The following CACNB2 variants were observed in gnomAD, a reference collection of about 807,000 sequenced individuals.
The protein encoded by CACNB2 is voltage-dependent L-type calcium channel subunit beta-2.
CACNB2 carries 42 observed loss-of-function variants against 73.3 expected under a neutral mutation model. The ratio of observed to expected loss-of-function variants is 0.57; its 90% CI spans 0.45 to 0.74. The LOEUF (loss-of-function observed/expected upper bound fraction) is 0.74. Ranked by LOEUF, CACNB2 falls within the 30% of genes least tolerant of loss-of-function variation. The pLI is 0.00. For missense variants in CACNB2, 940 were observed against 853.0 expected (o/e 1.10, Z -1.27); for synonymous variants, 348 against 310.3 (o/e 1.12, Z -1.28).
chr10:18,340,611 GCAGGCGT>G (rs1029899401), intron 2 of CACNB2: 1 of 1,101,884 alleles, frequency 9.1e-7, no homozygotes, highest in Non-Finnish European at 1.2e-6. Context: ...TGACAAGTTT[GCAGGCGT>G]CTGTCTTCCA....
Position 18,220,228 on chromosome 10 carries a change from TATATAG to T in CACNB2, c.213+69255_213+69260del, listed in dbSNP as rs1160196325. ...ATATATATATATATATATATATATA[TATATAG>T]AGAGAGAGAGAGAGAGAGAGAGAGA... On this transcript the variant is annotated intron_variant, in intron 2 of 13. Transcript: ENST00000324631. 4.4e-3 allele frequency among the ~76,000 whole-genome samples: 181 copies of T among 40,918 alleles called. 1 individual carries two copies. Among genetic ancestry groups the T allele is most frequent in the African/African-American group, 8.6e-3 (40 of 4,666 alleles). The allele number at this position is 40,918 out of a possible 152,430, so 26.8% of individuals were successfully genotyped here. A position where few individuals can be genotyped will look rare whatever the true frequency, so the allele number is the denominator to read the frequency against.
At position 18,514,311 on chromosome 10, in the gene CACNB2, G is replaced by C; in HGVS notation, c.746G>C (p.Ser249Thr). ...IPANHRSPKP[S>T]ANSVTSPHSK... ...GCAAACCACCGCTCCCCTAAACCCA[G>C]TGCAAACAGTGTAACGTCACCCCAC... Residue 249 changes from serine (S) to threonine (T), a missense_variant, in exon 7 of 14, where the codon AGT becomes ACT. By Grantham distance (58) the Ser-to-Thr change is moderately conservative (BLOSUM62 1). Coordinates refer to ENST00000324631, the MANE Select transcript of CACNB2 (RefSeq NM_201596.3). 6.2e-7 allele frequency: 1 copy of C among 1,614,114 alleles called. No homozygotes were observed. Among genetic ancestry groups the C allele is most frequent in the Non-Finnish European group, 8.5e-7 (1 of 1,180,016 alleles).
At chr10:18,164,255 A>C (rs999491515) in intron 2 of CACNB2, among the ~76,000 whole-genome samples, 1 of 152,204 alleles carries the variant, frequency 6.6e-6, no homozygotes, top group Non-Finnish European at 1.5e-5. Flanking sequence ...CTGTGAACTT[A>C]TGTAAAGCCC....
intron 2 of CACNB2, among the ~76,000 whole-genome samples, chr10:18,158,497 A>C: frequency 6.6e-6 from 1 of 152,218 alleles, no homozygotes; most frequent in East Asian, 1.9e-4. Context: ...CAATTCCCGT[A>C]GAAACTCTTT....
rs2045649239 is a variant in CACNB2 at position 18,427,159 on chromosome 10, T to A, written c.333+25116T>A. Among the ~76,000 whole-genome samples, 4 of 152,096 alleles carry A rather than the reference T, an allele frequency of 2.6e-5. No individual in the cohort carries two copies. The South Asian group carries it at 8.3e-4, about 32-fold the overall frequency. ...TAGTAGACACAGTGTTTCTCCATGCTGGTCAGGCTGGTCTCGAACTCCCAA... is the reference window on the plus strand; with the variant it reads ...TAGTAGACACAGTGTTTCTCCATGCAGGTCAGGCTGGTCTCGAACTCCCAA... On this transcript the variant is annotated intron_variant, in intron 3 of 13. Transcript: ENST00000324631.
intron 2 of CACNB2, among the ~76,000 whole-genome samples, chr10:18,167,873 A>G (rs1477005677): frequency 6.6e-6 from 1 of 152,180 alleles, no homozygotes; most frequent in African/African-American, 2.4e-5. Flanking sequence ...TTACAGCCCC[A>G]GTGAAAACCC....
intron 3 of CACNB2, among the ~76,000 whole-genome samples, chr10:18,497,892 G>C (rs1372716233): frequency 6.6e-6 from 1 of 152,046 alleles, no homozygotes; most frequent in African/African-American, 2.4e-5. Flanking sequence ...TATTTTCCCC[G>C]GCTCTTTTCT....
Position 18,224,577 on chromosome 10 carries a change from A to T in CACNB2, c.213+73602A>T, listed in dbSNP as rs969170235. On this transcript the variant is annotated intron_variant, in intron 2 of 13. Transcript: ENST00000324631. ...TCATTTTACCCCAAGTTAGTTAGCA[A>T]CTTGGATCAGGTTAAGAAGCTCGTT... Among the ~76,000 whole-genome samples, 8 of 152,306 alleles carry T rather than the reference A, an allele frequency of 5.3e-5. No individual in the cohort carries two copies. The East Asian group carries it at 1.5e-3, about 29-fold the overall frequency.
intron 3 of CACNB2, among the ~76,000 whole-genome samples, chr10:18,467,673 A>G (rs1184556109): frequency 6.6e-6 from 1 of 152,202 alleles, no homozygotes; most frequent in Non-Finnish European, 1.5e-5. Context: ...GGCAGTCAGG[A>G]ACCTGGGAGC....
At chr10:18,285,841 G>T in intron 2 of CACNB2, among the ~76,000 whole-genome samples, 1 of 152,098 alleles carries the variant, frequency 6.6e-6, no homozygotes, top group East Asian at 1.9e-4. Context: ...TAATATTGCT[G>T]TTCATTAGTT....
intron 4 of CACNB2, among the ~76,000 whole-genome samples, chr10:18,499,031 C>G (rs909476752): frequency 6.6e-6 from 1 of 152,206 alleles, no homozygotes; most frequent in Admixed American, 6.5e-5. Flanking sequence ...TCTCCACCTT[C>G]TAGTGAGCAA....
At chr10:18,514,418 C>T (rs767919141) in intron 7 of CACNB2, 49 bp downstream of exon 7, 16 of 1,613,618 alleles carry the variant, frequency 9.9e-6, no homozygotes, top group South Asian at 5.5e-5. Flanking sequence ...AACTGCACTG[C>T]GTCACATTTC....
chr10:18,200,945 A>G (rs1259691866), intron 2 of CACNB2, among the ~76,000 whole-genome samples: 1 of 152,172 alleles, frequency 6.6e-6, no homozygotes, highest in Non-Finnish European at 1.5e-5. Flanking sequence ...GTTGAAATTT[A>G]CCTCCATGAC....
At chr10:18,533,709 G>A (rs2053286725) in intron 10 of CACNB2, among the ~76,000 whole-genome samples, 1 of 152,242 alleles carries the variant, frequency 6.6e-6, no homozygotes, top group Admixed American at 6.5e-5. Context: ...CTAATGCAAA[G>A]TGGTCTGCAA....
intron 2 of CACNB2, among the ~76,000 whole-genome samples, chr10:18,335,824 C>CACAT (rs2040983610): frequency 6.9e-6 from 1 of 145,972 alleles, no homozygotes; most frequent in African/African-American, 2.5e-5. Context: ...CACACACACA[C>CACAT]ATACACACAC....
intron 2 of CACNB2, among the ~76,000 whole-genome samples, chr10:18,235,210 T>G (rs1381255251): frequency 3.3e-5 from 5 of 150,912 alleles, no homozygotes; most frequent in Middle Eastern, 3.2e-3. Flanking sequence ...CCCAGCACTT[T>G]GGGAGGCTGG....
intron 2 of CACNB2, among the ~76,000 whole-genome samples, chr10:18,384,254 T>C (rs907608467): frequency 6.6e-6 from 1 of 152,186 alleles, no homozygotes; most frequent in Admixed American, 6.5e-5. Flanking sequence ...TTGAATATTT[T>C]TCATGATAAA....
chr10:18,516,469 A>G (rs2051292404), intron 7 of CACNB2, among the ~76,000 whole-genome samples: 1 of 152,206 alleles, frequency 6.6e-6, no homozygotes, highest in African/African-American at 2.4e-5. Context: ...GTCTTGAGAT[A>G]AAATTTCTTG....
At chr10:18,220,235 A>AGGGGGGG (rs1564353978) in intron 2 of CACNB2, among the ~76,000 whole-genome samples, 16 of 37,564 alleles carry the variant, frequency 4.3e-4, no homozygotes, top group East Asian at 3.3e-3. Flanking sequence ...ATATATATAG[A>AGGGGGGG]GAGAGAGAGA....
Sources: allele counts gnomAD v4.1 joint callset (sites outside exome capture counted in the v4.1 genomes callset), GRCh38; gene constraint gnomAD v4.1.1; transcripts MANE v1.5; gene names NCBI Gene and HGNC (gene_info 2026-07-23, HGNC 2026-07-21).